Variants in COG6 observed in about 807,000 individuals in gnomAD.
COG6 encodes component of oligomeric golgi complex 6.
A neutral mutation model predicts 88.8 loss-of-function variants in COG6; 74 were observed. The ratio of observed to expected loss-of-function variants is 0.83; its 90% confidence interval spans 0.69 to 1.01. The LOEUF (loss-of-function observed/expected upper bound fraction) is 1.01, where lower values mean the gene tolerates loss of function less well. Ranked by LOEUF, COG6 falls within the 50% of genes least tolerant of loss-of-function variation. COG6 has a pLI of 0.00. For synonymous variants in COG6, 286 were observed against 278.7 expected, an observed-to-expected ratio of 1.03 and a Z score of -0.26; for missense variants, 800 against 797.9, an observed-to-expected ratio of 1.00 and a Z score of -0.03.
intron 15 of COG6, among the ~76,000 whole-genome samples, chr13:39,720,658 C>G (rs893946828): frequency 1.3e-5 from 2 of 151,986 alleles, no homozygotes; most frequent in African/African-American, 2.4e-5. Context: ...CTCTCCACCC[C>G]CAACATCTCT....
intron 18 of COG6, among the ~76,000 whole-genome samples, chr13:39,773,993 T>TGG (rs1399158944): frequency 2.0e-5 from 3 of 151,964 alleles, no homozygotes; most frequent in African/African-American, 7.3e-5. Context: ...GTATGTGGTG[T>TGG]GGGCTGACTG....
chr13:39,691,370 C>G (rs1876970622), intron 11 of COG6, among the ~76,000 whole-genome samples: 2 of 151,846 alleles, frequency 1.3e-5, no homozygotes, highest in East Asian at 1.9e-4. Flanking sequence ...CCAGAAAGAT[C>G]TTTATGGCAA....
chr13:39,770,307 T>C (rs1423591344), intron 18 of COG6, among the ~76,000 whole-genome samples: 1 of 152,188 alleles, frequency 6.6e-6, no homozygotes, highest in Non-Finnish European at 1.5e-5. Context: ...GAGGTGTCCT[T>C]AGAGACAGCT....
intron 18 of COG6, among the ~76,000 whole-genome samples, chr13:39,746,353 T>C (rs1052090153): frequency 6.6e-6 from 1 of 152,056 alleles, no homozygotes; most frequent in African/African-American, 2.4e-5. Flanking sequence ...TGGACTAGGC[T>C]GTGATTGATC....
intron 1 of COG6, among the ~76,000 whole-genome samples, chr13:39,658,535 A>G (rs768925092): frequency 6.6e-6 from 1 of 151,680 alleles, no homozygotes; most frequent in African/African-American, 2.4e-5. Context: ...TCTCTTACCT[A>G]CCTCCTTTCT....
chr13:39,763,228 T>G (rs1881076079), intron 18 of COG6, among the ~76,000 whole-genome samples: 1 of 151,730 alleles, frequency 6.6e-6, no homozygotes, highest in African/African-American at 2.4e-5. Context: ...AATTTACTTA[T>G]TAATTGTAAG....
At chr13:39,719,975 A>G in intron 15 of COG6, 148 bp downstream of exon 15, 1 of 621,472 alleles carries the variant, frequency 1.6e-6, no homozygotes, top group Non-Finnish European at 2.9e-6. Context: ...ATGCATATAC[A>G]CAACACACGC....
rs1879717540 is a variant in COG6, at chr13:39,735,854, A to G, written c.1826+8306A>G. Among the ~76,000 whole-genome samples the G allele has an allele frequency of 2.6e-5, 4 of 151,776 alleles. No individual in the cohort carries two copies. In the South Asian group the frequency reaches 8.3e-4, roughly 32 times the overall value. On this transcript the variant is annotated intron_variant, in intron 18 of 18. Transcript: ENST00000455146. ...TCATGCCACTCTCTCCTGTCCTGTA[A>G]GGTTTCCACTGAAAAGTCTGCTGCC... is the stretch of plus-strand genomic sequence containing the variant.
intron 12 of COG6, among the ~76,000 whole-genome samples, chr13:39,697,450 T>C (rs147518471): frequency 1.3e-5 from 2 of 151,996 alleles, no homozygotes; most frequent in African/African-American, 2.4e-5. Flanking sequence ...AAGGAAGATA[T>C]AGAATCCAGG....
At chr13:39,767,865 G>T (rs1480021779) in intron 18 of COG6, among the ~76,000 whole-genome samples, 1 of 152,192 alleles carries the variant, frequency 6.6e-6, no homozygotes, top group Non-Finnish European at 1.5e-5. Flanking sequence ...ACAGCAAAGG[G>T]ATAGAAAAGC....
chr13:39,777,494 G>A (rs1186049801), intron 18 of COG6, among the ~76,000 whole-genome samples: 1 of 152,164 alleles, frequency 6.6e-6, no homozygotes, highest in Admixed American at 6.5e-5. Context: ...GGAAGATGAG[G>A]TAGGCCAGGA....
At chr13:39,674,584 C>G (rs1444464055) in intron 4 of COG6, among the ~76,000 whole-genome samples, 4 of 152,084 alleles carry the variant, frequency 2.6e-5, no homozygotes, top group African/African-American at 9.7e-5. Flanking sequence ...TACAGTAATT[C>G]CCAACCTTGT....
chr13:39,728,258 C>T (rs950854404), intron 18 of COG6, among the ~76,000 whole-genome samples: 9 of 151,808 alleles, frequency 5.9e-5, no homozygotes, highest in Admixed American at 6.6e-5. Context: ...GTTAAACATG[C>T]GAACAAATAT....
chr13:39,761,967 A>G (rs1048644529), intron 18 of COG6, among the ~76,000 whole-genome samples: 3 of 151,922 alleles, frequency 2.0e-5, no homozygotes, highest in Non-Finnish European at 4.4e-5. Context: ...TCCTCTAAAA[A>G]CTAAAAATAG....
intron 4 of COG6, among the ~76,000 whole-genome samples, chr13:39,677,099 G>C (rs1016328447): frequency 1.3e-5 from 2 of 152,120 alleles, no homozygotes; most frequent in African/African-American, 4.8e-5. Flanking sequence ...AAAGAAATTG[G>C]TTGAAAACAG....
Position 39,751,671 on chromosome 13 carries a change from A to G in COG6, c.*578A>G. The G allele has an allele frequency of 8.5e-6, 11 of 1,286,838 alleles. No homozygotes were observed. The highest frequency in any genetic ancestry group is 1.1e-5 in the Non-Finnish European group (11 of 988,422). 79.7% of individuals were successfully genotyped at this position (1,286,838 alleles called of 1,614,324 possible). Reference sequence around the variant, plus strand: ...TGGCAGTGAATCTCCTTTCTGTTCTACTTTAGCATACTATATATATTTGAC... The same window carrying G: ...TGGCAGTGAATCTCCTTTCTGTTCTGCTTTAGCATACTATATATATTTGAC... On this transcript the variant is annotated 3_prime_UTR_variant, in exon 19 of 19. Transcript: ENST00000455146.
At chr13:39,663,302 C>A (rs1875030450) in intron 3 of COG6, among the ~76,000 whole-genome samples, 1 of 151,994 alleles carries the variant, frequency 6.6e-6, no homozygotes, top group Non-Finnish European at 1.5e-5. Context: ...TATCATATTT[C>A]ATTGATTAAT....
chr13:39,719,596 T>C, intron 14 of COG6, 64 bp from the exon 15 acceptor site: 1 of 1,470,272 alleles, frequency 6.8e-7, no homozygotes, highest in Non-Finnish European at 9.5e-7. Context: ...GCATTAAATA[T>C]CATTAACCCA....
At chr13:39,731,832 A>T (rs1015575768) in intron 18 of COG6, among the ~76,000 whole-genome samples, 22 of 151,148 alleles carry the variant, frequency 1.5e-4, no homozygotes, top group African/African-American at 4.1e-4. Context: ...GGGTAAAATT[A>T]AAAAAAAATA....
Sources: allele counts gnomAD v4.1 joint callset (sites outside exome capture counted in the v4.1 genomes callset), GRCh38; gene constraint gnomAD v4.1.1; transcripts MANE v1.5; gene names NCBI Gene and HGNC (gene_info 2026-07-23, HGNC 2026-07-21).